The following ROBO2 variants were observed in gnomAD, a reference collection of about 807,000 sequenced individuals.
ROBO2 encodes the protein roundabout guidance receptor 2.
Under a neutral mutation model 160.8 loss-of-function variants are expected in ROBO2, and 53 were observed. The observed-to-expected ratio is 0.33, with a 90% CI of 0.26 to 0.41. ROBO2 has a LOEUF of 0.41. ROBO2 is among the 10% of genes least tolerant of loss of function. The probability of loss-of-function intolerance (pLI) is 1.00; values close to 1 mark genes in which losing one functional copy is unlikely to be tolerated. For synonymous variants in ROBO2, 664 were observed against 611.7 expected (o/e 1.09, Z -1.26); for missense variants, 1,577 against 1,722.4 (o/e 0.92, Z 1.49).
At chr3:77,271,183 G>A (rs551691030) in intron 2 of ROBO2, among the ~76,000 whole-genome samples, 20 of 152,012 alleles carry the variant, frequency 1.3e-4, no homozygotes, top group Non-Finnish European at 2.8e-4. Flanking sequence ...CTCCGTGCTA[G>A]GTGTTAGAAT....
At chr3:77,051,017 CAAA>C (rs5850308) in intron 1 of ROBO2, among the ~76,000 whole-genome samples, 5 of 133,238 alleles carry the variant, frequency 3.8e-5, no homozygotes, top group Admixed American at 7.8e-5. Context: ...GACCCTGTCT[CAAA>C]AAAAAAAAAA....
intron 2 of ROBO2, among the ~76,000 whole-genome samples, chr3:76,028,940 GC>G (rs2066830092): frequency 6.6e-6 from 1 of 152,036 alleles, no homozygotes; most frequent in African/African-American, 2.4e-5. Flanking sequence ...TATTTTGGGG[GC>G]TAGTTCCTGG....
At chr3:76,542,298 A>T (rs1375126786) in intron 2 of ROBO2, among the ~76,000 whole-genome samples, 5 of 152,050 alleles carry the variant, frequency 3.3e-5, no homozygotes, top group Non-Finnish European at 7.4e-5. Context: ...ATCAGCACTT[A>T]TTTCTATTAA....
chr3:76,711,567 A>G (rs989047265), intron 2 of ROBO2, among the ~76,000 whole-genome samples: 2 of 152,216 alleles, frequency 1.3e-5, no homozygotes, highest in African/African-American at 2.4e-5. Context: ...AACGAAATCC[A>G]TCCACACATC....
chr3:76,807,469 A>G (rs977961563), intron 2 of ROBO2, among the ~76,000 whole-genome samples: 1 of 152,100 alleles, frequency 6.6e-6, no homozygotes, highest in East Asian at 1.9e-4. Flanking sequence ...AGACATGTTC[A>G]TTGATAAGAA....
intron 2 of ROBO2, among the ~76,000 whole-genome samples, chr3:76,753,363 G>A (rs1560501620): frequency 6.6e-6 from 1 of 151,814 alleles, no homozygotes; most frequent in East Asian, 2.0e-4. Flanking sequence ...CATATATAAT[G>A]TTTTATTATT....
At chr3:76,022,770 T>C (rs1334647189) in intron 2 of ROBO2, among the ~76,000 whole-genome samples, 2 of 151,742 alleles carry the variant, frequency 1.3e-5, no homozygotes, top group African/African-American at 4.8e-5. Flanking sequence ...GAATGGTAAA[T>C]GAATATTGGC....
At chr3:77,181,682 CTG>C (rs2080799513) in intron 2 of ROBO2, among the ~76,000 whole-genome samples, 1 of 152,000 alleles carries the variant, frequency 6.6e-6, no homozygotes, top group Non-Finnish European at 1.5e-5. Flanking sequence ...TTAATGAATA[CTG>C]TAACTAAAAG....
intron 2 of ROBO2, among the ~76,000 whole-genome samples, chr3:77,441,394 T>A (rs1270377005): frequency 6.6e-6 from 1 of 151,748 alleles, no homozygotes; most frequent in Non-Finnish European, 1.5e-5. Flanking sequence ...TACACACACA[T>A]ATACCTATGC....
chr3:77,562,521 C>G, intron 9 of ROBO2, 130 bp from the exon 11 acceptor site: 1 of 659,392 alleles, frequency 1.5e-6, no homozygotes. Context: ...ATGATTGACT[C>G]TAATGCATAA....
chr3:75,925,758 A>T (rs529571329), intron 1 of ROBO2, among the ~76,000 whole-genome samples: 1 of 152,340 alleles, frequency 6.6e-6, no homozygotes, highest in South Asian at 2.1e-4. Flanking sequence ...AGGCAGCCAC[A>T]GTGTAGTGGT....
At chr3:77,366,651 T>C (rs920401965) in intron 2 of ROBO2, among the ~76,000 whole-genome samples, 2 of 152,152 alleles carry the variant, frequency 1.3e-5, no homozygotes, top group Non-Finnish European at 2.9e-5. Context: ...CTGAAGGCTG[T>C]ACAAGAAGCA....
chr3:76,454,812 G>T (rs1219765249), intron 2 of ROBO2, among the ~76,000 whole-genome samples: 1 of 151,964 alleles, frequency 6.6e-6, no homozygotes, highest in South Asian at 2.1e-4. Context: ...AAATACCATT[G>T]CTATATGTTA....
At chr3:76,765,240 C>T (rs1374819795) in intron 2 of ROBO2, among the ~76,000 whole-genome samples, 1 of 151,606 alleles carries the variant, frequency 6.6e-6, no homozygotes, top group Admixed American at 6.6e-5. Context: ...AAATACATAA[C>T]ATCTTTTTTA....
At chr3:76,322,164 G>GTATA (rs200388202) in intron 2 of ROBO2, among the ~76,000 whole-genome samples, 5,229 of 106,470 alleles carry the variant, frequency 0.049, 171 homozygotes, top group East Asian at 0.062. Context: ...TACTTCTTCC[G>GTATA]TATATATATA....
At chr3:76,515,236 G>A (rs563403693) in intron 2 of ROBO2, among the ~76,000 whole-genome samples, 10 of 151,888 alleles carry the variant, frequency 6.6e-5, no homozygotes, top group East Asian at 5.8e-4. Flanking sequence ...ATACCTTCTC[G>A]CCTTCTTCCT....
intron 22 of ROBO2, chr3:77,618,105 T>C (rs1008815878): frequency 1.2e-5 from 4 of 336,888 alleles, no homozygotes; most frequent in African/African-American, 8.5e-5. Flanking sequence ...TTCTAATTTA[T>C]GGTTTATCTT....
intron 2 of ROBO2, among the ~76,000 whole-genome samples, chr3:76,195,117 A>T (rs1321549908): frequency 6.6e-6 from 1 of 152,210 alleles, no homozygotes; most frequent in Non-Finnish European, 1.5e-5. Flanking sequence ...ATTAATTAAA[A>T]AGATATAATG....
intron 2 of ROBO2, among the ~76,000 whole-genome samples, chr3:76,998,782 GA>G (rs2061173532): frequency 6.6e-6 from 1 of 152,118 alleles, no homozygotes; most frequent in South Asian, 2.1e-4. Context: ...CAATTCTCTG[GA>G]AAGGTTGAAT....
Sources: allele counts gnomAD v4.1 joint callset (sites outside exome capture counted in the v4.1 genomes callset), GRCh38; gene constraint gnomAD v4.1.1; transcripts MANE v1.5; gene names NCBI Gene and HGNC (gene_info 2026-07-23, HGNC 2026-07-21).